PHF14: variants seen among roughly 807,000 people sequenced by gnomAD.
The protein encoded by PHF14 is PHD finger protein 14.
In PHF14, 55 loss-of-function variants were observed where a neutral mutation model predicts 117.9. The observed-to-expected ratio is 0.47, with a 90% CI of 0.38 to 0.58. The LOEUF (loss-of-function observed/expected upper bound fraction) is 0.58, where lower values mean the gene tolerates loss of function less well. PHF14 is among the 20% of genes least tolerant of loss of function. PHF14 has a pLI of 0.00. For synonymous variants in PHF14, 409 were observed against 368.6 expected, an observed-to-expected ratio of 1.11 and a Z score of -1.26; for missense variants, 978 against 1,122.2, an observed-to-expected ratio of 0.87 and a Z score of 1.84.
At chr7:11,025,590 A>G (rs368993978) in intron 6 of PHF14, among the ~76,000 whole-genome samples, 11 of 151,218 alleles carry the variant, frequency 7.3e-5, no homozygotes, top group East Asian at 4.0e-4. Flanking sequence ...TCAGGAGATC[A>G]AGACCATCCC....
Position 11,028,830 on chromosome 7 carries a change from T to G in PHF14, c.1455+12T>G. 6.2e-7 allele frequency: 1 copy of G among 1,611,780 alleles called. No homozygotes were observed. The highest frequency in any genetic ancestry group is 8.5e-7 in the Non-Finnish European group (1 of 1,178,104). ...CAGCGGCGGAAGAGGTAGGTTTATT[T>G]AAACCCATAGTTGGTGAACATGTTC... On this transcript the variant is annotated intron_variant, in intron 7 of 17. Coordinates refer to ENST00000634607, the MANE Select transcript of PHF14 (RefSeq NM_001007157.2).
intron 4 of PHF14, among the ~76,000 whole-genome samples, chr7:11,005,012 G>A (rs928566969): frequency 2.0e-5 from 3 of 151,044 alleles, no homozygotes; most frequent in African/African-American, 4.9e-5. Flanking sequence ...GCGAGATTCC[G>A]TCTCAAAAAA....
chr7:11,073,068 A>G (rs1785681794), intron 16 of PHF14, among the ~76,000 whole-genome samples: 2 of 152,304 alleles, frequency 1.3e-5, no homozygotes, highest in Admixed American at 6.5e-5. Context: ...AGAAACATCC[A>G]AACTATATAC....
intron 16 of PHF14, among the ~76,000 whole-genome samples, chr7:11,093,672 T>C (rs1230191231): frequency 2.0e-5 from 3 of 152,222 alleles, no homozygotes; most frequent in Non-Finnish European, 4.4e-5. Flanking sequence ...TCTGGTGGTA[T>C]TAGCCAAAGG....
chr7:11,102,606 G>C, intron 16 of PHF14: 2 of 1,571,094 alleles, frequency 1.3e-6, no homozygotes, highest in Non-Finnish European at 1.7e-6. Flanking sequence ...ATAAAGTAAA[G>C]GAGAACAGCT....
chr7:11,150,994 G>T (rs1210409102), intron 17 of PHF14, among the ~76,000 whole-genome samples: 14 of 152,230 alleles, frequency 9.2e-5, no homozygotes, highest in Non-Finnish European at 2.9e-5. Flanking sequence ...GAACTACACT[G>T]TCTTAATGGG....
intron 16 of PHF14, among the ~76,000 whole-genome samples, chr7:11,085,582 G>A (rs922539296): frequency 7.2e-5 from 11 of 152,042 alleles, no homozygotes; most frequent in East Asian, 1.9e-4. Flanking sequence ...ATTTGGCCTC[G>A]TTTCAACATT....
At chr7:11,132,883 A>C (rs113080694) in intron 17 of PHF14, among the ~76,000 whole-genome samples, 1 of 151,666 alleles carries the variant, frequency 6.6e-6, no homozygotes, top group African/African-American at 2.4e-5. Context: ...TCATATACCT[A>C]TTGATGATGT....
At chr7:11,026,100 A>G (rs1203629595) in intron 6 of PHF14, among the ~76,000 whole-genome samples, 1 of 121,866 alleles carries the variant, frequency 8.2e-6, no homozygotes, top group Non-Finnish European at 1.8e-5. Context: ...TGACAGTGTG[A>G]GACTCCATCA....
intron 6 of PHF14, 128 bp downstream of exon 6, chr7:11,023,107 C>G: frequency 3.9e-6 from 2 of 515,146 alleles, no homozygotes; most frequent in South Asian, 3.3e-5. Flanking sequence ...AGCACTAAAT[C>G]ATTTATTATT....
In PHF14 at chr7:11,119,266, C is replaced by T. The variant is rs563170725; in HGVS notation, c.2772+7799C>T. On this transcript the variant is annotated intron_variant, in intron 17 of 17. Coordinates refer to ENST00000634607, the MANE Select transcript of PHF14 (RefSeq NM_001007157.2). ...TTTATTTTTTGTTATTTTGTTATTTCAGCTACTAAAATGCTGAGAGTTAAG... is the reference window on the plus strand; with the variant it reads ...TTTATTTTTTGTTATTTTGTTATTTTAGCTACTAAAATGCTGAGAGTTAAG... 2.0e-5 allele frequency among the ~76,000 whole-genome samples: 3 copies of T among 151,768 alleles called. No individual in the cohort carries two copies. In the South Asian group the frequency reaches 6.2e-4, roughly 32 times the overall value.
chr7:11,068,350 A>AC, intron 16 of PHF14, among the ~76,000 whole-genome samples: 1 of 48,136 alleles, frequency 2.1e-5, no homozygotes, highest in African/African-American at 9.2e-5. Flanking sequence ...ACTCCGTCTC[A>AC]AAAAAAAAAA....
chr7:11,002,039 GT>G (rs145923741), intron 4 of PHF14, among the ~76,000 whole-genome samples: 5,410 of 148,308 alleles, frequency 0.036, 304 homozygotes, highest in African/African-American at 0.11. Flanking sequence ...TTCTGTTTGT[GT>G]TTTTTTTTTA....
chr7:10,983,067 A>G lies in PHF14; in HGVS notation c.808A>G (p.Lys270Glu), dbSNP rs1440878804. ...SSPASEGGCK[K>E]KKSKVLSRNS... ...CCCTGCCAGTGAAGGGGGTTGCAAG[A>G]AGAAGAAGAGTAAAGTTCTTAGCAG... Residue 270 changes from lysine (K) to glutamate (E), a missense_variant, in exon 3 of 18, where the codon AAG becomes GAG. Transcript: ENST00000634607. 1.3e-6 allele frequency: 2 copies of G among 1,598,760 alleles called. No individual in the cohort carries two copies. The highest frequency in any genetic ancestry group is 2.2e-5 in the East Asian group (1 of 44,860).
At chr7:11,075,233 C>T (rs150587931) in intron 16 of PHF14, among the ~76,000 whole-genome samples, 1 of 152,106 alleles carries the variant, frequency 6.6e-6, no homozygotes, top group Non-Finnish European at 1.5e-5. Context: ...GCCACTGCAC[C>T]TGGCCTTTCA....
intron 6 of PHF14, among the ~76,000 whole-genome samples, chr7:11,025,669 C>T (rs138015266): frequency 0.014 from 2,145 of 152,158 alleles, 53 homozygotes; most frequent in East Asian, 0.1. Context: ...GTAGCAGGTG[C>T]CTGTAGTCTC....
intron 16 of PHF14, chr7:11,063,302 TC>T: frequency 1.0e-6 from 1 of 984,118 alleles, no homozygotes; most frequent in African/African-American, 1.7e-5. Flanking sequence ...AGTAAGTAGT[TC>T]CAAGTTCAGG....
At chr7:10,984,892 C>A (rs535072082) in intron 3 of PHF14, among the ~76,000 whole-genome samples, 2 of 152,074 alleles carry the variant, frequency 1.3e-5, no homozygotes, top group African/African-American at 4.8e-5. Context: ...TTAATAGTCC[C>A]AAACACAAAC....
At chr7:11,005,787 CTTTTTTTTTTTTTTTTTTTTTTT>C (rs951270672) in intron 4 of PHF14, among the ~76,000 whole-genome samples, 60 of 84,470 alleles carry the variant, frequency 7.1e-4, no homozygotes, top group Non-Finnish European at 1.2e-3. Context: ...AGTAAAAATT[CTTTTTTTTTTTTTTTTTTTTTTT>C]TGAGACGGAG....
Sources: gnomAD v4.1 joint callset for allele counts (sites outside exome capture counted in the v4.1 genomes callset) on GRCh38, gnomAD v4.1.1 for gene constraint, MANE v1.5 for transcripts, NCBI Gene and HGNC (gene_info 2026-07-23, HGNC 2026-07-21) for gene names.